Variants in GRIP1 observed in about 807,000 individuals in gnomAD.
The protein encoded by GRIP1 is glutamate receptor-interacting protein 1.
In GRIP1, 45 loss-of-function variants were observed where a neutral mutation model predicts 129.9. The ratio of observed to expected loss-of-function variants is 0.35; its 90% CI spans 0.27 to 0.44. The LOEUF (loss-of-function observed/expected upper bound fraction) is 0.44, where lower values mean the gene tolerates loss of function less well. GRIP1 is among the 20% of genes least tolerant of loss of function. The probability of loss-of-function intolerance (pLI) is 1.00; values close to 1 mark genes in which losing one functional copy is unlikely to be tolerated. For missense variants in GRIP1, 1,196 were observed against 1,396.8 expected, an observed-to-expected ratio of 0.86 and a Z score of 2.29; for synonymous variants, 530 against 520.8, an observed-to-expected ratio of 1.02 and a Z score of -0.24.
intron 9 of GRIP1, among the ~76,000 whole-genome samples, chr12:66,456,583 G>GT (rs1428451564): frequency 9.2e-5 from 14 of 151,952 alleles, no homozygotes; most frequent in South Asian, 4.2e-4. Context: ...TCCTCAGCTC[G>GT]TTTTTTCTTC....
chr12:66,753,519 T>C (rs925681731), intron 1 of GRIP1, among the ~76,000 whole-genome samples: 1 of 152,218 alleles, frequency 6.6e-6, no homozygotes, highest in Non-Finnish European at 1.5e-5. Flanking sequence ...CCTATGATGT[T>C]ATGCCACTGA....
intron 2 of GRIP1, 105 bp downstream of exon 2, chr12:66,596,742 T>C (rs1462642877): frequency 5.5e-6 from 3 of 546,390 alleles, no homozygotes; most frequent in Non-Finnish European, 1.1e-5. Context: ...AATAACATGA[T>C]TTATTATTAT....
chr12:67,062,768 T>C (rs2043556914), intron 1 of GRIP1, among the ~76,000 whole-genome samples: 1 of 152,256 alleles, frequency 6.6e-6, no homozygotes, highest in East Asian at 1.9e-4. Context: ...CTTGGGCACA[T>C]TTCTCTCTCT....
chr12:66,877,036 A>G (rs1337343350), intron 1 of GRIP1, among the ~76,000 whole-genome samples: 5 of 152,020 alleles, frequency 3.3e-5, no homozygotes, highest in African/African-American at 1.2e-4. Flanking sequence ...TATCTGTGTA[A>G]CTGTGTGTGT....
At chr12:66,765,384 A>ATTTCAACTT (rs1299413281) in intron 1 of GRIP1, among the ~76,000 whole-genome samples, 1 of 152,222 alleles carries the variant, frequency 6.6e-6, no homozygotes, top group Non-Finnish European at 1.5e-5. Context: ...CTTCACACTC[A>ATTTCAACTT]TGACAATCTT....
At chr12:66,609,838 C>T (rs1044629371) in intron 1 of GRIP1, among the ~76,000 whole-genome samples, 5 of 152,158 alleles carry the variant, frequency 3.3e-5, no homozygotes, top group African/African-American at 1.2e-4. Flanking sequence ...TTCCTTCCAT[C>T]ACTGTTTGTC....
chr12:66,771,110 A>G (rs1251659079), intron 1 of GRIP1, among the ~76,000 whole-genome samples: 1 of 151,328 alleles, frequency 6.6e-6, no homozygotes, highest in Admixed American at 6.6e-5. Flanking sequence ...AGATAGAAAG[A>G]AAAAAAAACC....
chr12:66,630,812 T>C (rs965209585), intron 1 of GRIP1, among the ~76,000 whole-genome samples: 1 of 152,324 alleles, frequency 6.6e-6, no homozygotes, highest in Middle Eastern at 3.4e-3. Flanking sequence ...TGTCTATTCT[T>C]AGGATTTTAC....
At chr12:66,677,524 A>C (rs904903823) in intron 1 of GRIP1, among the ~76,000 whole-genome samples, 37 of 152,304 alleles carry the variant, frequency 2.4e-4, no homozygotes, top group African/African-American at 8.9e-4. Context: ...CATGATTTAT[A>C]AACAGAAATT....
chr12:66,718,522 T>C (rs1010048306), intron 1 of GRIP1, among the ~76,000 whole-genome samples: 13 of 152,156 alleles, frequency 8.5e-5, no homozygotes, highest in South Asian at 2.1e-4. Flanking sequence ...TAACCAAAGG[T>C]AAGCAGATTT....
chr12:66,759,379 T>C (rs1047963831), intron 1 of GRIP1, among the ~76,000 whole-genome samples: 17 of 152,132 alleles, frequency 1.1e-4, no homozygotes, highest in African/African-American at 4.1e-4. Flanking sequence ...AAAACCACTT[T>C]TTCCTCGTGG....
chr12:67,011,915 T>G (rs577951172), intron 1 of GRIP1, among the ~76,000 whole-genome samples: 1 of 152,220 alleles, frequency 6.6e-6, no homozygotes, highest in East Asian at 1.9e-4. Flanking sequence ...GGCCTTGCTG[T>G]GTTCTAATGA....
At chr12:66,714,901 A>G (rs1023007765) in intron 1 of GRIP1, among the ~76,000 whole-genome samples, 4 of 149,280 alleles carry the variant, frequency 2.7e-5, no homozygotes, top group Non-Finnish European at 5.9e-5. Flanking sequence ...CCATCCATCC[A>G]TCCATCCATC....
intron 13 of GRIP1, among the ~76,000 whole-genome samples, chr12:66,438,325 T>G (rs2058371098): frequency 6.6e-6 from 1 of 152,036 alleles, no homozygotes; most frequent in South Asian, 2.1e-4. Flanking sequence ...CAGAGGAAAC[T>G]TGTCTATAGG....
At chr12:66,768,290 T>A (rs2037708445) in intron 1 of GRIP1, among the ~76,000 whole-genome samples, 1 of 152,206 alleles carries the variant, frequency 6.6e-6, no homozygotes, top group South Asian at 2.1e-4. Context: ...TTTTATATAA[T>A]CTCAGTGTAG....
At chr12:66,479,246 G>C (rs1268705053) in intron 7 of GRIP1, among the ~76,000 whole-genome samples, 1 of 151,796 alleles carries the variant, frequency 6.6e-6, no homozygotes, top group Non-Finnish European at 1.5e-5. Flanking sequence ...TATCACCACT[G>C]ATCCCACAGA....
chr12:66,755,070 A>G, intron 1 of GRIP1, among the ~76,000 whole-genome samples: 1 of 152,198 alleles, frequency 6.6e-6, no homozygotes, highest in Non-Finnish European at 1.5e-5. Flanking sequence ...TATTCTAGTA[A>G]AACAAAAGAA....
chr12:66,636,754 T>C (rs1417937040), intron 1 of GRIP1, among the ~76,000 whole-genome samples: 1 of 139,488 alleles, frequency 7.2e-6, no homozygotes, highest in Admixed American at 7.0e-5. Flanking sequence ...TGTGTGTGTG[T>C]CTCACTCTCT....
chr12:66,953,361 G>A (rs575542208), intron 1 of GRIP1, among the ~76,000 whole-genome samples: 1 of 152,202 alleles, frequency 6.6e-6, no homozygotes, highest in African/African-American at 2.4e-5. Context: ...CATTCATTCA[G>A]GACTTAACTA....
Sources: allele counts gnomAD v4.1 joint callset (sites outside exome capture counted in the v4.1 genomes callset), GRCh38; gene constraint gnomAD v4.1.1; transcripts MANE v1.5; gene names NCBI Gene and HGNC (gene_info 2026-07-23, HGNC 2026-07-21).